LINC00305: variants seen among roughly 807,000 people sequenced by gnomAD.
LINC00305 encodes the protein long intergenic non-protein coding RNA 305.
chr18:64,143,561 C>CAT (rs2051476136), intron 1 of LINC00305, among the ~76,000 whole-genome samples: 1 of 18,840 alleles, frequency 5.3e-5, no homozygotes, highest in African/African-American at 1.6e-4. Context: ...ATTATGTGTA[C>CAT]ATATATACAC....
At chr18:64,105,218 AG>A (rs764974271) in intron 1 of LINC00305, among the ~76,000 whole-genome samples, 10 of 152,030 alleles carry the variant, frequency 6.6e-5, no homozygotes, top group Non-Finnish European at 1.3e-4. Context: ...CCCAGCACTT[AG>A]GGAGGCTGAG....
At chr18:64,143,897 C>T (rs2051484561) in intron 1 of LINC00305, among the ~76,000 whole-genome samples, 1 of 151,892 alleles carries the variant, frequency 6.6e-6, no homozygotes, top group African/African-American at 2.4e-5. Flanking sequence ...TATACACACA[C>T]ACAGATAATT....
chr18:64,086,415 A>G (rs2051203697), intron 3 of LINC00305, among the ~76,000 whole-genome samples: 1 of 152,236 alleles, frequency 6.6e-6, no homozygotes, highest in Non-Finnish European at 1.5e-5. Flanking sequence ...ATAATTTGAT[A>G]ATGTGGATAG....
chr18:64,108,140 A>T (rs529054838), intron 1 of LINC00305, among the ~76,000 whole-genome samples: 171 of 152,286 alleles, frequency 1.1e-3, no homozygotes, highest in Non-Finnish European at 1.8e-3. Context: ...AAGAAAAAAA[A>T]TGGGGTTGCT....
intron 1 of LINC00305, among the ~76,000 whole-genome samples, chr18:64,143,796 C>T (rs1029273334): frequency 1.1e-5 from 1 of 93,630 alleles, no homozygotes; most frequent in African/African-American, 3.9e-5. Context: ...ACATATTATG[C>T]GTACATGTAT....
intron 1 of LINC00305, among the ~76,000 whole-genome samples, chr18:64,120,629 A>G (rs998225344): frequency 5.3e-5 from 8 of 152,062 alleles, no homozygotes; most frequent in African/African-American, 1.7e-4. Context: ...CTGTTTTGTT[A>G]TGTTCAATGT....
Position 64,097,713 on chromosome 18 carries a change from CTA to C in LINC00305, n.540+119_540+120del, listed in dbSNP as rs778682762. The C allele has an allele frequency of 5.1e-4, 180 of 352,134 alleles. 1 individual carries two copies. The highest frequency in any genetic ancestry group is 8.7e-4 in the Middle Eastern group (1 of 1,150). 21.8% of individuals were successfully genotyped at this position (352,134 alleles called of 1,614,324 possible). A position where few individuals can be genotyped will look rare whatever the true frequency, so the allele number is the denominator to read the frequency against. The stretch of plus-strand genomic sequence containing the variant: ...CAAAAAAAGTAAAATTTTAAGCACT[CTA>C]TTATCAGAAGTAATATTATTTCAAG... On this transcript the variant is annotated intron_variant and non_coding_transcript_variant, in intron 3 of 3. Transcript: ENST00000666468.
At chr18:64,107,726 C>T (rs928406503) in intron 1 of LINC00305, among the ~76,000 whole-genome samples, 30 of 152,094 alleles carry the variant, frequency 2.0e-4, no homozygotes, top group Admixed American at 1.6e-3. Flanking sequence ...TTAATTTGGC[C>T]AGAAGAAGAG....
Position 64,115,509 on chromosome 18 carries a change from C to T in LINC00305, n.315-16869G>A, listed in dbSNP as rs138907663. Among the ~76,000 whole-genome samples the T allele has an allele frequency of 2.6e-3, 399 of 152,070 alleles. 3 individuals are homozygous for T. Among genetic ancestry groups the T allele is most frequent in the Middle Eastern group, 0.01 (3 of 294 alleles). On this transcript the variant is annotated intron_variant and non_coding_transcript_variant, in intron 1 of 3. Coordinates refer to ENST00000666468, the Ensembl canonical transcript of LINC00305. ...TATGGGGGTAAGGTAGGAGGGGGAA[C>T]GTGAGGGTGTCAGATGGGACAGTGG...
intron 1 of LINC00305, among the ~76,000 whole-genome samples, chr18:64,147,769 G>A (rs73962170): frequency 1.5e-3 from 223 of 152,236 alleles, no homozygotes; most frequent in African/African-American, 5.3e-3. Context: ...GGGAGTCTGG[G>A]GGAGGGAGCT....
chr18:64,143,784 A>C (rs146770175), intron 1 of LINC00305, among the ~76,000 whole-genome samples: 6,132 of 92,546 alleles, frequency 0.066, 549 homozygotes, highest in Non-Finnish European at 0.1. Flanking sequence ...ACATGTATGT[A>C]CACATATTAT....
intron 1 of LINC00305, among the ~76,000 whole-genome samples, chr18:64,133,245 A>T (rs2051418025): frequency 6.6e-6 from 1 of 152,196 alleles, no homozygotes; most frequent in Non-Finnish European, 1.5e-5. Flanking sequence ...TAAGGAACAG[A>T]GAAGAGAGGA....
intron 1 of LINC00305, among the ~76,000 whole-genome samples, chr18:64,131,607 A>G (rs148592522): frequency 1.3e-5 from 2 of 152,212 alleles, no homozygotes; most frequent in African/African-American, 2.4e-5. Context: ...GCATCTGTCC[A>G]TGAAGGGCTC....
chr18:64,094,887 T>TAAA (rs1555665418), intron 3 of LINC00305, among the ~76,000 whole-genome samples: 12 of 114,640 alleles, frequency 1.0e-4, no homozygotes, highest in East Asian at 2.1e-4. Context: ...AAATAAATAA[T>TAAA]AAAATAAAAT....
intron 1 of LINC00305, among the ~76,000 whole-genome samples, chr18:64,107,102 A>G (rs181276198): frequency 4.6e-5 from 7 of 152,350 alleles, no homozygotes; most frequent in Non-Finnish European, 7.3e-5. Context: ...AAGAGAAGAC[A>G]TTCAAAATGG....
At chr18:64,105,694 T>C (rs1335233262) in intron 1 of LINC00305, among the ~76,000 whole-genome samples, 1 of 152,074 alleles carries the variant, frequency 6.6e-6, no homozygotes, top group Non-Finnish European at 1.5e-5. Flanking sequence ...CCCCCAACAT[T>C]TGCATTAAAA....
intron 1 of LINC00305, among the ~76,000 whole-genome samples, chr18:64,129,341 A>G (rs1478978852): frequency 1.3e-5 from 2 of 152,126 alleles, no homozygotes; most frequent in African/African-American, 4.8e-5. Context: ...TCTTTTTAAT[A>G]TGATTTAATG....
intron 1 of LINC00305, among the ~76,000 whole-genome samples, chr18:64,123,827 G>A (rs917773514): frequency 2.0e-4 from 31 of 151,998 alleles, no homozygotes; most frequent in African/African-American, 7.5e-4. Context: ...AATGCCCTCT[G>A]TCAAGAATGA....
intron 1 of LINC00305, among the ~76,000 whole-genome samples, chr18:64,110,757 A>G (rs2051311602): frequency 6.6e-6 from 1 of 152,248 alleles, no homozygotes. Flanking sequence ...AGAATAAAAT[A>G]AACAACAAAA....
Sources: allele counts gnomAD v4.1 joint callset (sites outside exome capture counted in the v4.1 genomes callset), GRCh38; gene constraint gnomAD v4.1.1; transcripts MANE v1.5; gene names NCBI Gene and HGNC (gene_info 2026-07-23, HGNC 2026-07-21).